FLRT2: variants seen among roughly 807,000 people sequenced by gnomAD.
The protein encoded by FLRT2 is fibronectin leucine rich transmembrane protein 2, also known as leucine-rich repeat transmembrane protein FLRT2.
FLRT2 carries 15 observed loss-of-function variants against 40.0 expected under a neutral mutation model. The ratio of observed to expected loss-of-function variants is 0.38; its 90% CI spans 0.25 to 0.58. The LOEUF (loss-of-function observed/expected upper bound fraction) is 0.58, where lower values mean the gene tolerates loss of function less well. Ranked by LOEUF, FLRT2 falls within the 20% of genes least tolerant of loss-of-function variation. FLRT2 has a pLI of 0.71. For missense variants in FLRT2, 726 were observed against 840.0 expected, an observed-to-expected ratio of 0.86 and a Z score of 1.68; for synonymous variants, 380 against 336.8, an observed-to-expected ratio of 1.13 and a Z score of -1.41.
At chr14:85,542,087 A>T (rs1392087057) in intron 1 of FLRT2, among the ~76,000 whole-genome samples, 2 of 152,212 alleles carry the variant, frequency 1.3e-5, no homozygotes, top group Non-Finnish European at 2.9e-5. Flanking sequence ...TTCTATCCTT[A>T]TAGAATGATT....
At chr14:85,555,163 A>C (rs886939444) in intron 1 of FLRT2, among the ~76,000 whole-genome samples, 2 of 152,214 alleles carry the variant, frequency 1.3e-5, no homozygotes, top group Non-Finnish European at 1.5e-5. Flanking sequence ...CAGTAGATTC[A>C]GATCCTGACT....
intron 1 of FLRT2, chr14:85,552,810 A>G (rs983415413): frequency 1.3e-5 from 2 of 152,176 alleles, no homozygotes; most frequent in African/African-American, 4.8e-5. Context: ...GTGAGGAGGT[A>G]TTCCTGCAAT....
rs1157534884 is a variant in FLRT2, at chr14:85,607,511, G to A, written c.-376-13628G>A. On this transcript the variant is annotated intron_variant, in intron 1 of 1. Coordinates refer to ENST00000330753, the MANE Select transcript of FLRT2 (RefSeq NM_013231.6). The stretch of plus-strand genomic sequence containing the variant: ...AGTCAGTGGATTCTTGCAACAGCTA[G>A]GGGTGGGATCACAGCACCAGGGAAA... Among the ~76,000 whole-genome samples the A allele has an allele frequency of 2.0e-5, 3 of 152,220 alleles. No individual in the cohort carries two copies. The East Asian group carries it at 5.8e-4, about 29-fold the overall frequency.
intron 1 of FLRT2, among the ~76,000 whole-genome samples, chr14:85,597,572 T>C (rs1222101364): frequency 6.6e-6 from 1 of 152,308 alleles, no homozygotes; most frequent in East Asian, 1.9e-4. Context: ...ATATATTTAC[T>C]TAAGATGGAG....
chr14:85,609,879 G>A (rs916916920), intron 1 of FLRT2, among the ~76,000 whole-genome samples: 2 of 152,036 alleles, frequency 1.3e-5, no homozygotes, highest in African/African-American at 2.4e-5. Flanking sequence ...TCAAATTATC[G>A]GAGGTTGTTT....
At chr14:85,600,445 A>G (rs1048285887) in intron 1 of FLRT2, among the ~76,000 whole-genome samples, 10 of 152,150 alleles carry the variant, frequency 6.6e-5, no homozygotes, top group Non-Finnish European at 1.0e-4. Flanking sequence ...TGGAAATAGA[A>G]CTATGAGGAC....
Position 85,621,275 on chromosome 14 carries a change from G to C in FLRT2, c.-240G>C, listed in dbSNP as rs1443917993. The stretch of plus-strand genomic sequence containing the variant: ...TAACTTGCCATCACCTGTTGCCAGT[G>C]TGGAAAAATTCTCCCTGTTGAATTT... On this transcript the variant is annotated 5_prime_UTR_variant, in exon 2 of 2. Transcript: ENST00000330753. 33 of 527,640 alleles carry C rather than the reference G, an allele frequency of 6.3e-5. No individual in the cohort carries two copies. The allele number at this position is 527,640 out of a possible 1,614,324, so 32.7% of individuals were successfully genotyped here.
intron 1 of FLRT2, among the ~76,000 whole-genome samples, chr14:85,616,627 C>G (rs1810041282): frequency 6.6e-6 from 1 of 152,186 alleles, no homozygotes; most frequent in Admixed American, 6.5e-5. Context: ...GCCTCTCTAT[C>G]CTTCCGATTT....
At chr14:85,611,912 GAA>G in intron 1 of FLRT2, among the ~76,000 whole-genome samples, 1 of 143,946 alleles carries the variant, frequency 6.9e-6, no homozygotes, top group East Asian at 2.1e-4. Flanking sequence ...GCGCGTGCGC[GAA>G]AGCGTGTGTG....
At position 85,651,262 on chromosome 14, in the gene FLRT2, TG is replaced by T. The variant is rs1894427905; in HGVS notation, c.*27766del. ...ATAGCCTGGAAAGTATTCGTTTGTT[TG>T]TGTGTGTGTGTGTGTGTGTGTGTGT... is the stretch of plus-strand genomic sequence containing the variant. On this transcript the variant is annotated 3_prime_UTR_variant, in exon 2 of 2. Coordinates refer to ENST00000330753, the MANE Select transcript of FLRT2 (RefSeq NM_013231.6). 1.1e-5 allele frequency: 1 copy of T among 90,180 alleles called. No individual in the cohort carries two copies. The highest frequency in any genetic ancestry group is 1.2e-4 in the Admixed American group (1 of 8,638). The allele number at this position is 90,180 out of a possible 1,614,324, so 5.6% of individuals were successfully genotyped here. A position where few individuals can be genotyped will look rare whatever the true frequency, so the allele number is the denominator to read the frequency against.
At chr14:85,614,086 T>TACAGCC (rs1260629881) in intron 1 of FLRT2, among the ~76,000 whole-genome samples, 15 of 152,184 alleles carry the variant, frequency 9.9e-5, no homozygotes, top group Non-Finnish European at 2.1e-4. Flanking sequence ...CTAAGTGATT[T>TACAGCC]ACAGCCCTCT....
At chr14:85,591,430 T>C (rs900546373) in intron 1 of FLRT2, among the ~76,000 whole-genome samples, 2 of 152,188 alleles carry the variant, frequency 1.3e-5, no homozygotes, top group African/African-American at 2.4e-5. Context: ...ACTCATTTCA[T>C]AGAAGCTGAG....
Position 85,630,520 on chromosome 14 carries a change from G to A in FLRT2, c.*7023G>A, listed in dbSNP as rs1893841929. 6.6e-6 allele frequency: 1 copy of A among 151,994 alleles called. No individual in the cohort carries two copies. The highest frequency in any genetic ancestry group is 1.9e-4 in the East Asian group (1 of 5,184). 9.4% of individuals were successfully genotyped at this position (151,994 alleles called of 1,614,324 possible). On this transcript the variant is annotated 3_prime_UTR_variant, in exon 2 of 2. Transcript: ENST00000330753. ...ATTCAGCAAATATTTACCGAGGCCT[G>A]GTAAGTTCTGGTGCAGAATAAGAAT...
Position 85,622,690 on chromosome 14 carries a change from C to A in FLRT2, c.1176C>A (p.Ser392Arg), listed in dbSNP as rs778600843. Residue 392 changes from serine (S) to arginine (R), a missense_variant, in exon 2 of 2, where the codon AGC (serine) becomes AGA (arginine). By Grantham distance (110) the Ser-to-Arg change is moderately radical. Transcript: ENST00000330753. ...QPPTLSIPNP[S>R]RSYTPPTPTT... Reference sequence around the variant, plus strand: ...CCACCCTCTCTATTCCAAACCCTAGCAGAAGCTACACGCCTCCAACTCCTA... The same window carrying A: ...CCACCCTCTCTATTCCAAACCCTAGAAGAAGCTACACGCCTCCAACTCCTA... The A allele has an allele frequency of 6.2e-7, 1 of 1,614,092 alleles. No homozygotes were observed.
rs1894330428 is a variant in FLRT2, at chr14:85,647,357, T to C, written c.*23860T>C. 1 of 152,182 alleles carries C rather than the reference T, an allele frequency of 6.6e-6. No individual in the cohort carries two copies. Among genetic ancestry groups the C allele is most frequent in the African/African-American group, 2.4e-5 (1 of 41,454 alleles). 9.4% of individuals were successfully genotyped at this position (152,182 alleles called of 1,614,324 possible). A position where few individuals can be genotyped will look rare whatever the true frequency, so the allele number is the denominator to read the frequency against. On this transcript the variant is annotated 3_prime_UTR_variant, in exon 2 of 2. Transcript: ENST00000330753. ...TTGAATGTTGCCCAGCAATATAATA[T>C]ATGTAAATCATACCAAATTATATGT... is the stretch of plus-strand genomic sequence containing the variant.
chr14:85,533,565 G>C (rs1888434659), intron 1 of FLRT2, among the ~76,000 whole-genome samples: 1 of 152,136 alleles, frequency 6.6e-6, no homozygotes, highest in African/African-American at 2.4e-5. Context: ...CGCCTTCCCC[G>C]CTCGCTGTAC....
intron 1 of FLRT2, among the ~76,000 whole-genome samples, chr14:85,607,000 A>G (rs1388416886): frequency 6.6e-6 from 1 of 150,634 alleles, no homozygotes; most frequent in South Asian, 2.1e-4. Context: ...GATCTACTGT[A>G]TATCTATGGA....
chr14:85,584,764 T>G (rs1891543285), intron 1 of FLRT2, among the ~76,000 whole-genome samples: 1 of 152,300 alleles, frequency 6.6e-6, no homozygotes, highest in Admixed American at 6.5e-5. Context: ...GGTGTGCATG[T>G]GTGCAGCTGC....
At chr14:85,613,955 C>A (rs1893010412) in intron 1 of FLRT2, among the ~76,000 whole-genome samples, 1 of 152,110 alleles carries the variant, frequency 6.6e-6, no homozygotes, top group Admixed American at 6.6e-5. Flanking sequence ...TCAGTACAAC[C>A]AACTCTCTAC....
Sources: allele counts gnomAD v4.1 joint callset (sites outside exome capture counted in the v4.1 genomes callset), GRCh38; gene constraint gnomAD v4.1.1; transcripts MANE v1.5; gene names NCBI Gene and HGNC (gene_info 2026-07-23, HGNC 2026-07-21).